MYO7B: variants seen among roughly 807,000 people sequenced by gnomAD.
The protein encoded by MYO7B is unconventional myosin-VIIb.
Under a neutral mutation model 259.7 loss-of-function variants are expected in MYO7B, and 212 were observed. The ratio of observed to expected loss-of-function variants is 0.82; its 90% CI spans 0.73 to 0.91. The LOEUF (loss-of-function observed/expected upper bound fraction) is 0.91. Among genes scored for constraint, MYO7B ranks in the 40% least tolerant of loss-of-function variants. The pLI is 0.00. For synonymous variants in MYO7B, 1,197 were observed against 1,166.4 expected, an observed-to-expected ratio of 1.03 and a Z score of -0.54; for missense variants, 2,732 against 2,813.5, an observed-to-expected ratio of 0.97 and a Z score of 0.66.
intron 1 of MYO7B, among the ~76,000 whole-genome samples, chr2:127,554,394 C>T (rs1391494516): frequency 1.3e-5 from 2 of 152,170 alleles, no homozygotes; most frequent in Admixed American, 6.5e-5. Flanking sequence ...TATTGACTTG[C>T]GTATGTTAAA....
At chr2:127,601,046 G>A in intron 19 of MYO7B, among the ~76,000 whole-genome samples, 1 of 152,180 alleles carries the variant, frequency 6.6e-6, no homozygotes, top group East Asian at 1.9e-4. Flanking sequence ...CTTTCACTCA[G>A]AAGAAAAATT....
intron 26 of MYO7B, among the ~76,000 whole-genome samples, chr2:127,617,408 C>T (rs1468241487): frequency 1.3e-5 from 2 of 151,838 alleles, no homozygotes; most frequent in African/African-American, 4.8e-5. Flanking sequence ...GAAAAACTTC[C>T]CGTTCTTTGT....
At chr2:127,583,588 C>A (rs1679187643) in intron 12 of MYO7B, among the ~76,000 whole-genome samples, 1 of 152,132 alleles carries the variant, frequency 6.6e-6, no homozygotes, top group Non-Finnish European at 1.5e-5. Flanking sequence ...CGGTTTCTGA[C>A]TTGAGCCGGG....
intron 19 of MYO7B, among the ~76,000 whole-genome samples, chr2:127,600,530 C>T (rs961543544): frequency 2.0e-5 from 3 of 152,058 alleles, no homozygotes; most frequent in Non-Finnish European, 2.9e-5. Flanking sequence ...GCCAACATGG[C>T]GAAACCCCGT....
At position 127,612,533 on chromosome 2, in the gene MYO7B, G is replaced by C. The variant is rs1291392968; in HGVS notation, c.3328G>C (p.Asp1110His). 1.3e-6 allele frequency: 2 copies of C among 1,585,500 alleles called. No individual in the cohort carries two copies. The highest frequency in any genetic ancestry group is 1.3e-5 in the African/African-American group (1 of 74,178). ...ATTGGAGCCTGATGGCCTTGGTGCA[G>C]ACCGGCCCATGTCCAACCTGGAGAA... ...EALEPDGLGA[D>H]RPMSNLEKVH... The change falls in exon 26 of 48, where the codon GAC becomes CAC. Residue 1110 changes from aspartate (D) to histidine (H), a missense_variant. Physicochemically the swap from Asp to His is moderately conservative, Grantham distance 81. Transcript: ENST00000409816.
At chr2:127,634,342 C>T (rs557293692) in intron 41 of MYO7B, 53 bp downstream of exon 41, 23 of 1,356,402 alleles carry the variant, frequency 1.7e-5, no homozygotes, top group Middle Eastern at 2.2e-4. Context: ...GTGAGCGAGG[C>T]CCTAGGTGCT....
At chr2:127,593,015 C>T (rs1023533658) in intron 17 of MYO7B, 69 bp downstream of exon 17, 15 of 1,525,314 alleles carry the variant, frequency 9.8e-6, no homozygotes, top group Middle Eastern at 1.7e-4. Flanking sequence ...GCACCTCCAG[C>T]CCCCAGTACC....
chr2:127,563,714 C>T (rs1328974889), intron 2 of MYO7B, among the ~76,000 whole-genome samples: 3 of 152,186 alleles, frequency 2.0e-5, no homozygotes, highest in Admixed American at 6.5e-5. Flanking sequence ...CTTCCTCCTG[C>T]GTCTTCTAGT....
At chr2:127,562,570 C>T (rs1678149413) in intron 2 of MYO7B, among the ~76,000 whole-genome samples, 1 of 145,440 alleles carries the variant, frequency 6.9e-6, no homozygotes, top group Non-Finnish European at 1.5e-5. Context: ...TCACTGCAAC[C>T]TCTGCCTCCC....
chr2:127,607,495 T>C lies in MYO7B; in HGVS notation c.2643+71T>C. On this transcript the variant is annotated intron_variant, in intron 21 of 47. Coordinates refer to ENST00000409816, the MANE Select transcript of MYO7B (RefSeq NM_001393586.1). This position sits in a 1 kb window ranked among gnomAD's most constrained non-coding sequence, Gnocchi z 4.4. ...CCCAGTGGGTGAGGGCAAGAAGGAGTGAGCGGCTGTGTAGAGAGCTCACCA... is the reference window on the plus strand; with the variant it reads ...CCCAGTGGGTGAGGGCAAGAAGGAGCGAGCGGCTGTGTAGAGAGCTCACCA... The C allele has an allele frequency of 7.4e-7, 1 of 1,359,644 alleles. No individual in the cohort carries two copies. Among genetic ancestry groups the C allele is most frequent in the South Asian group, 1.3e-5 (1 of 74,828 alleles). 84.2% of individuals were successfully genotyped at this position (1,359,644 alleles called of 1,614,324 possible).
Position 127,636,346 on chromosome 2 carries a change from G to A in MYO7B, c.6123+22G>A. ...GAAGGTAAACCTTGCCCCACGCCAG[G>A]GCCTCCTACCCAAGCAGGCTCCGCT... On this transcript the variant is annotated intron_variant, in intron 45 of 47. Coordinates refer to ENST00000409816, the MANE Select transcript of MYO7B (RefSeq NM_001393586.1). This position sits in a 1 kb window ranked among gnomAD's most constrained non-coding sequence, Gnocchi z 4.5. 6.3e-7 allele frequency: 1 copy of A among 1,599,622 alleles called. No homozygotes were observed.
rs575049227 is a variant in MYO7B, at chr2:127,593,741, G to C, written c.2244+97G>C. 8 of 1,132,998 alleles carry C rather than the reference G, an allele frequency of 7.1e-6. No individual in the cohort carries two copies. In the Admixed American group the frequency reaches 1.3e-4, roughly 18 times the overall value. 70.2% of individuals were successfully genotyped at this position (1,132,998 alleles called of 1,614,324 possible). A position where few individuals can be genotyped will look rare whatever the true frequency, so the allele number is the denominator to read the frequency against. The stretch of plus-strand genomic sequence containing the variant: ...CCGGGGTCCATGGTCCATGTGCCCT[G>C]AGCCAATGACACTGGGCAGCAGCTC... On this transcript the variant is annotated intron_variant, in intron 18 of 47. Coordinates refer to ENST00000409816, the MANE Select transcript of MYO7B (RefSeq NM_001393586.1).
At chr2:127,583,245 C>T (rs1448770682) in intron 12 of MYO7B, among the ~76,000 whole-genome samples, 1 of 152,240 alleles carries the variant, frequency 6.6e-6, no homozygotes, top group African/African-American at 2.4e-5. Flanking sequence ...ATGCCCCTGC[C>T]CAAGGCCTGT....
intron 1 of MYO7B, among the ~76,000 whole-genome samples, chr2:127,549,411 C>T (rs999543474): frequency 6.6e-6 from 1 of 152,176 alleles, no homozygotes; most frequent in Non-Finnish European, 1.5e-5. Flanking sequence ...ATGATCCCGT[C>T]ACCCAGGTAG....
chr2:127,553,047 G>A (rs1215725906), intron 1 of MYO7B, among the ~76,000 whole-genome samples: 1 of 152,150 alleles, frequency 6.6e-6, no homozygotes, highest in African/African-American at 2.4e-5. Context: ...TCTTCTCAGA[G>A]CTTCCTCCGC....
At chr2:127,580,666 C>T (rs1339648568) in intron 9 of MYO7B, 80 bp from the exon 10 acceptor site, 8 of 1,404,324 alleles carry the variant, frequency 5.7e-6, no homozygotes, top group Non-Finnish European at 6.9e-6. Flanking sequence ...CTGGGGCTGC[C>T]AAGGGCCCGG....
In MYO7B at chr2:127,576,770, G is replaced by A. The variant is rs143465391; in HGVS notation, c.849+62G>A. ...GAAGGGAGGAAAAAGAGCTTGTGCC[G>A]CTCCACCCTCCGCGACAGCTGCAGA... On this transcript the variant is annotated intron_variant, in intron 8 of 47. Transcript: ENST00000409816. This position sits in a 1 kb window ranked among gnomAD's most constrained non-coding sequence, Gnocchi z 4.9. The A allele has an allele frequency of 1.2e-4, 153 of 1,236,068 alleles. 1 individual carries two copies. In the East Asian group the frequency reaches 1.6e-3, roughly 13 times the overall value. 76.6% of individuals were successfully genotyped at this position (1,236,068 alleles called of 1,614,324 possible).
At position 127,615,560 on chromosome 2, in the gene MYO7B, T is replaced by C. The variant is rs1480501849; in HGVS notation, c.3398+2957T>C. 3.3e-5 allele frequency among the ~76,000 whole-genome samples: 5 copies of C among 152,106 alleles called. No homozygotes were observed. On this transcript the variant is annotated intron_variant, in intron 26 of 47. Transcript: ENST00000409816. This position sits in a 1 kb window ranked among gnomAD's most constrained non-coding sequence, Gnocchi z 4.4. The stretch of plus-strand genomic sequence containing the variant: ...AGCTGCTTAATTGATCACAGGTTCA[T>C]AGTATTACTAACAGGCTTCAGGTGT...
intron 17 of MYO7B, 51 bp downstream of exon 17, chr2:127,592,997 C>T (rs1392042194): frequency 8.5e-6 from 12 of 1,407,792 alleles, no homozygotes; most frequent in African/African-American, 3.1e-5. Flanking sequence ...GCCTTCCCCT[C>T]GGCCTTGGCA....
Sources: gnomAD v4.1 joint callset for allele counts (sites outside exome capture counted in the v4.1 genomes callset) on GRCh38, gnomAD v4.1.1 for gene constraint, Gnocchi (gnomAD v3.1) non-coding constraint, MANE v1.5 for transcripts, NCBI Gene and HGNC (gene_info 2026-07-23, HGNC 2026-07-21) for gene names.